TCF7L2: variants seen among roughly 807,000 people sequenced by gnomAD.
TCF7L2 encodes the protein transcription factor 7 like 2, also known as transcription factor 7-like 2.
Under a neutral mutation model 77.9 loss-of-function variants are expected in TCF7L2, and 23 were observed. The observed-to-expected ratio is 0.30, with a 90% CI of 0.21 to 0.42. The LOEUF (loss-of-function observed/expected upper bound fraction) is 0.42, where lower values mean the gene tolerates loss of function less well. Ranked by LOEUF, TCF7L2 falls within the 10% of genes least tolerant of loss-of-function variation. The probability of loss-of-function intolerance (pLI) is 1.00; values close to 1 mark genes in which losing one functional copy is unlikely to be tolerated. For missense variants in TCF7L2, 654 were observed against 793.1 expected, an observed-to-expected ratio of 0.82 and a Z score of 2.11; for synonymous variants, 413 against 340.2, an observed-to-expected ratio of 1.21 and a Z score of -2.36.
chr10:113,074,406 C>T (rs1267523894), intron 5 of TCF7L2, among the ~76,000 whole-genome samples: 1 of 152,120 alleles, frequency 6.6e-6, no homozygotes, highest in African/African-American at 2.4e-5. Flanking sequence ...TTTAACAAGA[C>T]GTAAACACAT....
chr10:113,110,220 A>G (rs530728398), intron 5 of TCF7L2, among the ~76,000 whole-genome samples: 5 of 152,322 alleles, frequency 3.3e-5, no homozygotes, highest in African/African-American at 1.2e-4. Context: ...GTAGATAATA[A>G]TGAACTTTTA....
intron 8 of TCF7L2, 98 bp downstream of exon 8, chr10:113,146,195 T>C (rs1564960415): frequency 9.1e-7 from 1 of 1,104,002 alleles, no homozygotes; most frequent in Non-Finnish European, 1.4e-6. Context: ...CACAGCTACA[T>C]GTAGTTCTAT....
chr10:113,021,209 C>G (rs2048222688), intron 4 of TCF7L2, among the ~76,000 whole-genome samples: 1 of 152,182 alleles, frequency 6.6e-6, no homozygotes, highest in African/African-American at 2.4e-5. Flanking sequence ...TGCCTGAGCT[C>G]TTTTCCAGCT....
At position 113,151,961 on chromosome 10, in the gene TCF7L2, T is replaced by C; in HGVS notation, c.1161+77T>C. The C allele has an allele frequency of 2.0e-6, 3 of 1,521,106 alleles. No individual in the cohort carries two copies. The highest frequency in any genetic ancestry group is 2.6e-6 in the Non-Finnish European group (3 of 1,139,140). 94.2% of individuals were successfully genotyped at this position (1,521,106 alleles called of 1,614,324 possible). ...GAGTGCAGCAGGTCAGGTGGCAGAA[T>C]GTCTCTGTCCCCATTTCTTTGGAGA... On this transcript the variant is annotated intron_variant, in intron 10 of 13. Transcript: ENST00000627217. The surrounding 1 kb of genome is among the most constrained non-coding windows in gnomAD (Gnocchi z 5.2).
intron 6 of TCF7L2, 120 bp downstream of exon 6, chr10:113,141,436 G>T (rs1370411409): frequency 7.5e-6 from 7 of 938,850 alleles, no homozygotes; most frequent in South Asian, 1.8e-5. Flanking sequence ...GAACGGTGGT[G>T]GGGGGGCCCC....
chr10:113,166,433 A>G lies in TCF7L2; in HGVS notation c.*461A>G, dbSNP rs1214121419. The stretch of plus-strand genomic sequence containing the variant: ...CTGGTTTTTAAACCGTAAGGGCACC[A>G]TGAATGCAGTGCCGTTACTTTTTTT... On this transcript the variant is annotated 3_prime_UTR_variant, in exon 14 of 14. Transcript: ENST00000627217. 4 of 222,816 alleles carry G rather than the reference A, an allele frequency of 1.8e-5. No individual in the cohort carries two copies. Among genetic ancestry groups the G allele is most frequent in the Non-Finnish European group, 2.6e-5 (3 of 114,506 alleles). The allele number at this position is 222,816 out of a possible 1,614,324, so 13.8% of individuals were successfully genotyped here. A position where few individuals can be genotyped will look rare whatever the true frequency, so the allele number is the denominator to read the frequency against.
chr10:113,162,123 A>G (rs1273725879), intron 13 of TCF7L2, among the ~76,000 whole-genome samples: 4 of 152,224 alleles, frequency 2.6e-5, no homozygotes, highest in Non-Finnish European at 4.4e-5. Flanking sequence ...TCAAAATTTT[A>G]CTTGTACCAG....
intron 4 of TCF7L2, among the ~76,000 whole-genome samples, chr10:113,005,843 G>GT (rs533460724): frequency 5.6e-4 from 86 of 152,320 alleles, no homozygotes; most frequent in Non-Finnish European, 1.1e-3. Context: ...GGATCTGGTA[G>GT]TTCCCTCTGT....
chr10:112,974,584 A>G (rs2039001930), intron 4 of TCF7L2, among the ~76,000 whole-genome samples: 1 of 152,082 alleles, frequency 6.6e-6, no homozygotes, highest in Non-Finnish European at 1.5e-5. Context: ...CTGGGATTAC[A>G]GGTGCCTGCC....
intron 11 of TCF7L2, among the ~76,000 whole-genome samples, chr10:113,154,953 G>C (rs290484): frequency 0.87 from 132,484 of 151,790 alleles, 57,946 homozygotes; most frequent in East Asian, 1. Flanking sequence ...AGCTTTTATG[G>C]ATTTGAATGT....
chr10:113,051,203 C>CCACACACACA (rs55771704), intron 5 of TCF7L2, among the ~76,000 whole-genome samples: 2,169 of 140,440 alleles, frequency 0.015, 27 homozygotes, highest in African/African-American at 0.039. Context: ...TGCATACACA[C>CCACACACACA]CACACACACA....
intron 5 of TCF7L2, among the ~76,000 whole-genome samples, chr10:113,058,775 C>G (rs560323923): frequency 2.0e-5 from 3 of 152,020 alleles, no homozygotes; most frequent in African/African-American, 7.3e-5. Flanking sequence ...TAGAGAGACC[C>G]GCAAGCACAG....
At chr10:113,162,855 G>T (rs1488115650) in intron 13 of TCF7L2, among the ~76,000 whole-genome samples, 1 of 152,114 alleles carries the variant, frequency 6.6e-6, no homozygotes, top group African/African-American at 2.4e-5. Context: ...GCTAGAAAGG[G>T]GTTTCTAAGA....
intron 5 of TCF7L2, among the ~76,000 whole-genome samples, chr10:113,112,808 G>A (rs1174527178): frequency 1.3e-5 from 2 of 152,296 alleles, no homozygotes; most frequent in Middle Eastern, 6.8e-3. Context: ...GCAATATTGT[G>A]TTTTAAGCTT....
intron 5 of TCF7L2, among the ~76,000 whole-genome samples, chr10:113,100,956 T>C (rs1332932347): frequency 6.6e-6 from 1 of 152,116 alleles, no homozygotes; most frequent in African/African-American, 2.4e-5. Context: ...TTGCCTGTAA[T>C]CCCAGCTACT....
chr10:113,043,512 C>T (rs1040308208), intron 5 of TCF7L2, among the ~76,000 whole-genome samples: 1 of 152,134 alleles, frequency 6.6e-6, no homozygotes, highest in Non-Finnish European at 1.5e-5. Context: ...GCAACAGGGA[C>T]GATGCCTTCA....
chr10:113,101,029 C>G (rs542837533), intron 5 of TCF7L2, among the ~76,000 whole-genome samples: 10 of 151,884 alleles, frequency 6.6e-5, no homozygotes, highest in Non-Finnish European at 1.5e-4. Context: ...GAGCTGAGAT[C>G]GCGCCATTGC....
At chr10:113,048,242 T>A (rs1271634782) in intron 5 of TCF7L2, among the ~76,000 whole-genome samples, 1 of 152,196 alleles carries the variant, frequency 6.6e-6, no homozygotes, top group African/African-American at 2.4e-5. Flanking sequence ...TTGACTATGT[T>A]TATCTTTCCA....
chr10:113,117,847 G>A (rs995621025), intron 5 of TCF7L2, among the ~76,000 whole-genome samples: 4 of 152,200 alleles, frequency 2.6e-5, no homozygotes, highest in African/African-American at 9.6e-5. Context: ...TGTAGCTGCT[G>A]TTTCTGCTCC....
Sources: allele counts gnomAD v4.1 joint callset (sites outside exome capture counted in the v4.1 genomes callset), GRCh38; gene constraint gnomAD v4.1.1; non-coding constraint Gnocchi (gnomAD v3.1); transcripts MANE v1.5; gene names NCBI Gene and HGNC (gene_info 2026-07-23, HGNC 2026-07-21).